DACH1: variants seen among roughly 807,000 people sequenced by gnomAD.
DACH1 encodes dachshund homolog 1.
Under a neutral mutation model 54.2 loss-of-function variants are expected in DACH1, and 12 were observed. The ratio of observed to expected loss-of-function variants is 0.22; its 90% CI spans 0.14 to 0.36. The LOEUF is 0.36. Among genes scored for constraint, DACH1 ranks in the 10% least tolerant of loss-of-function variants. The pLI is 1.00. For missense variants in DACH1, 805 were observed against 929.8 expected, an observed-to-expected ratio of 0.87 and a Z score of 1.75; for synonymous variants, 386 against 366.2, an observed-to-expected ratio of 1.05 and a Z score of -0.62.
chr13:71,718,992 T>G (rs1366402779), intron 1 of DACH1, among the ~76,000 whole-genome samples: 1 of 152,136 alleles, frequency 6.6e-6, no homozygotes, highest in Non-Finnish European at 1.5e-5. Context: ...TTAGGAAAAT[T>G]ATAATCTGGC....
At chr13:71,454,580 T>C (rs954029797) in intron 10 of DACH1, among the ~76,000 whole-genome samples, 1 of 152,210 alleles carries the variant, frequency 6.6e-6, no homozygotes, top group Non-Finnish European at 1.5e-5. Flanking sequence ...TGCCATGTAT[T>C]GAGCTGCCCT....
intron 1 of DACH1, among the ~76,000 whole-genome samples, chr13:71,682,570 CAA>C: frequency 6.6e-6 from 1 of 152,230 alleles, no homozygotes; most frequent in African/African-American, 2.4e-5. Context: ...AAAGATAAGT[CAA>C]GTTATCATTT....
chr13:71,609,928 A>T (rs1190020887), intron 3 of DACH1, among the ~76,000 whole-genome samples: 1 of 152,202 alleles, frequency 6.6e-6, no homozygotes, highest in Non-Finnish European at 1.5e-5. Flanking sequence ...ATTTTTAAAA[A>T]TATACTTACA....
At chr13:71,787,673 A>G (rs1015303911) in intron 1 of DACH1, among the ~76,000 whole-genome samples, 1 of 152,120 alleles carries the variant, frequency 6.6e-6, no homozygotes, top group African/African-American at 2.4e-5. Flanking sequence ...TGCAATGTCA[A>G]ATTTAGCACG....
intron 3 of DACH1, among the ~76,000 whole-genome samples, chr13:71,598,357 C>G (rs535143205): frequency 2.0e-5 from 3 of 152,064 alleles, no homozygotes; most frequent in Admixed American, 2.0e-4. Flanking sequence ...CAGGTTCACA[C>G]GATTCCTCTG....
At chr13:71,836,293 AAT>A (rs1328627946) in intron 1 of DACH1, among the ~76,000 whole-genome samples, 2 of 152,060 alleles carry the variant, frequency 1.3e-5, no homozygotes, top group Admixed American at 6.6e-5. Flanking sequence ...AATAAAAATT[AAT>A]AGTCAATGTT....
chr13:71,504,649 A>G (rs1025438500), intron 6 of DACH1, among the ~76,000 whole-genome samples: 1 of 152,150 alleles, frequency 6.6e-6, no homozygotes, highest in Non-Finnish European at 1.5e-5. Flanking sequence ...AATGTTCAGG[A>G]GAAGGTTGGT....
intron 5 of DACH1, among the ~76,000 whole-genome samples, chr13:71,559,081 C>G (rs1053982778): frequency 1.3e-5 from 2 of 151,892 alleles, no homozygotes; most frequent in African/African-American, 4.8e-5. Context: ...AGTCATTTAT[C>G]AAAAGAACAA....
chr13:71,867,126 G>T lies in DACH1; in HGVS notation c.-357C>A. ...GGTCTCGCTCTAGCACAAAGTTAAGGATGAAGGTGAAAAGGAGGAGGTTTG... is the reference window on the plus strand; with the variant it reads ...GGTCTCGCTCTAGCACAAAGTTAAGTATGAAGGTGAAAAGGAGGAGGTTTG... On this transcript the variant is annotated 5_prime_UTR_variant, in exon 1 of 11. Coordinates refer to ENST00000613252, the MANE Select transcript of DACH1 (RefSeq NM_080759.6). 4.8e-6 allele frequency: 1 copy of T among 206,972 alleles called. No individual in the cohort carries two copies. The highest frequency in any genetic ancestry group is 9.6e-6 in the Non-Finnish European group (1 of 104,314). 12.8% of individuals were successfully genotyped at this position (206,972 alleles called of 1,614,324 possible). A position where few individuals can be genotyped will look rare whatever the true frequency, so the allele number is the denominator to read the frequency against.
At chr13:71,653,717 T>A (rs1356910593) in intron 2 of DACH1, among the ~76,000 whole-genome samples, 1 of 152,314 alleles carries the variant, frequency 6.6e-6, no homozygotes, top group East Asian at 1.9e-4. Flanking sequence ...TAACAAGAGA[T>A]TACTGAATGA....
intron 2 of DACH1, among the ~76,000 whole-genome samples, chr13:71,673,754 T>C (rs912528697): frequency 1.3e-5 from 2 of 152,134 alleles, no homozygotes; most frequent in Non-Finnish European, 2.9e-5. Context: ...GAACTTAAAG[T>C]ATAATAATAA....
intron 1 of DACH1, among the ~76,000 whole-genome samples, chr13:71,729,031 C>A (rs1248828331): frequency 6.6e-6 from 1 of 151,792 alleles, no homozygotes; most frequent in Non-Finnish European, 1.5e-5. Context: ...GTTCATCCTA[C>A]AAAAGAATTT....
intron 1 of DACH1, among the ~76,000 whole-genome samples, chr13:71,827,008 A>T (rs1888408465): frequency 1.3e-5 from 2 of 152,128 alleles, no homozygotes; most frequent in South Asian, 4.1e-4. Flanking sequence ...GATTAAGAAC[A>T]TCCAGGAGAG....
At chr13:71,814,552 G>A (rs1887837367) in intron 1 of DACH1, among the ~76,000 whole-genome samples, 2 of 152,224 alleles carry the variant, frequency 1.3e-5, no homozygotes, top group Non-Finnish European at 2.9e-5. Context: ...AAATTTTAAA[G>A]CATTAAAGGA....
intron 6 of DACH1, among the ~76,000 whole-genome samples, chr13:71,555,424 A>G (rs532812070): frequency 1.3e-5 from 2 of 151,850 alleles, no homozygotes; most frequent in South Asian, 4.2e-4. Flanking sequence ...GCTTACTGCA[A>G]CCTCTGCCTC....
At chr13:71,724,113 T>C (rs188401078) in intron 1 of DACH1, among the ~76,000 whole-genome samples, 7 of 152,324 alleles carry the variant, frequency 4.6e-5, no homozygotes, top group Admixed American at 3.3e-4. Flanking sequence ...AAACCTAAGG[T>C]AAGTAGAAAA....
At chr13:71,549,281 G>A (rs895581828) in intron 6 of DACH1, among the ~76,000 whole-genome samples, 4 of 151,968 alleles carry the variant, frequency 2.6e-5, no homozygotes, top group African/African-American at 4.8e-5. Context: ...TCTACCTCAC[G>A]TTTAATGCTT....
chr13:71,532,986 T>TGTAGGA (rs1882513140), intron 6 of DACH1, among the ~76,000 whole-genome samples: 1 of 151,848 alleles, frequency 6.6e-6, no homozygotes, highest in African/African-American at 2.4e-5. Context: ...CCAAGAAACA[T>TGTAGGA]GTAGGAGATA....
intron 1 of DACH1, among the ~76,000 whole-genome samples, chr13:71,689,986 C>T (rs1289914463): frequency 6.6e-6 from 1 of 152,034 alleles, no homozygotes; most frequent in African/African-American, 2.4e-5. Context: ...TTATATTAAA[C>T]TTAGTTTAAG....
Sources: gnomAD v4.1 joint callset for allele counts (sites outside exome capture counted in the v4.1 genomes callset) on GRCh38, gnomAD v4.1.1 for gene constraint, MANE v1.5 for transcripts, NCBI Gene and HGNC (gene_info 2026-07-23, HGNC 2026-07-21) for gene names.